The following NHS variants were observed in gnomAD, a reference collection of about 807,000 sequenced individuals.
NHS encodes the protein NHS actin remodeling regulator.
NHS carries 5 observed loss-of-function variants against 72.5 expected under a neutral mutation model. That is an observed-to-expected ratio of 0.07 (90% CI 0.04 to 0.14). The LOEUF is 0.14. NHS is among the 10% of genes least tolerant of loss of function. NHS has a pLI of 1.00. For missense variants in NHS, 1,072 were observed against 1,355.7 expected, an observed-to-expected ratio of 0.79 and a Z score of 3.29; for synonymous variants, 464 against 547.7, an observed-to-expected ratio of 0.85 and a Z score of 2.13.
intron 1 of NHS, among the ~76,000 whole-genome samples, chrX:17,545,526 C>T (rs1601760394): frequency 9.0e-6 from 1 of 111,621 alleles, no homozygotes; most frequent in East Asian, 2.9e-4. Context: ...ACATGGGCAC[C>T]CCTGACTGTA....
chrX:17,708,848 T>G (rs985171035), intron 3 of NHS, among the ~76,000 whole-genome samples: 1 of 111,338 alleles, frequency 9.0e-6, no homozygotes, highest in African/African-American at 3.3e-5. Context: ...AGGCCAGATA[T>G]TGAAGGATCT....
At chrX:17,574,709 C>A (rs1004630611) in intron 1 of NHS, among the ~76,000 whole-genome samples, 3 of 111,645 alleles carry the variant, frequency 2.7e-5, no homozygotes, top group African/African-American at 9.8e-5. Context: ...GCTGCACCCA[C>A]TGTCCAACCA....
chrX:17,614,216 GAACA>G (rs2065725620), intron 1 of NHS, among the ~76,000 whole-genome samples: 1 of 112,379 alleles, frequency 8.9e-6, no homozygotes, highest in Non-Finnish European at 1.9e-5. Flanking sequence ...GCTGTTGACA[GAACA>G]AATAATCACA....
At chrX:17,614,925 A>T (rs1888094066) in intron 1 of NHS, among the ~76,000 whole-genome samples, 1 of 106,694 alleles carries the variant, frequency 9.4e-6, no homozygotes, top group South Asian at 4.3e-4. Context: ...TGTGTTCCCT[A>T]ATCTCACTTA....
chrX:17,693,653 GA>G (rs1367348336), intron 3 of NHS, among the ~76,000 whole-genome samples: 1 of 112,392 alleles, frequency 8.9e-6, no homozygotes, highest in East Asian at 2.8e-4. Flanking sequence ...AGTGATAATG[GA>G]CAAAATATAA....
intron 1 of NHS, among the ~76,000 whole-genome samples, chrX:17,549,604 G>A (rs1201895439): frequency 8.9e-6 from 1 of 111,964 alleles, no homozygotes; most frequent in East Asian, 2.8e-4. Context: ...GCTGACCACA[G>A]AAAAGCTCGT....
intron 1 of NHS, among the ~76,000 whole-genome samples, chrX:17,385,521 T>C (rs112839496): frequency 2.7e-5 from 3 of 110,822 alleles, no homozygotes; most frequent in African/African-American, 9.8e-5. Context: ...CCAGAAAAAA[T>C]TTTTACTTAA....
rs181307396 is a variant in NHS, at chrX:17,463,743, G to A, written c.565+87421G>A. On this transcript the variant is annotated intron_variant, in intron 1 of 8. Transcript: ENST00000676302. ...AAATGTACTTAATATGTATACATGGGAGCCTTCAGGATGAAGACCTAAAGA... is the reference window on the plus strand; with the variant it reads ...AAATGTACTTAATATGTATACATGGAAGCCTTCAGGATGAAGACCTAAAGA... 8.9e-5 allele frequency among the ~76,000 whole-genome samples: 10 copies of A among 112,050 alleles called. No homozygotes were observed. In the East Asian group the frequency reaches 2.8e-3, roughly 31 times the overall value.
At chrX:17,528,654 A>C (rs763243061) in intron 1 of NHS, 1 of 111,754 alleles carries the variant, frequency 8.9e-6, no homozygotes, top group Non-Finnish European at 1.9e-5. Context: ...AGTGCTGGCT[A>C]ACTCACCCCT....
At chrX:17,538,390 G>T (rs770421411) in intron 1 of NHS, among the ~76,000 whole-genome samples, 1 of 111,589 alleles carries the variant, frequency 9.0e-6, no homozygotes, top group Non-Finnish European at 1.9e-5. Flanking sequence ...ACACAGGGAC[G>T]AGAAGGAAGC....
intron 1 of NHS, among the ~76,000 whole-genome samples, chrX:17,629,390 A>C (rs992236988): frequency 8.9e-6 from 1 of 112,084 alleles, no homozygotes; most frequent in Admixed American, 9.5e-5. Flanking sequence ...CTGCCCTGAT[A>C]TAGAAACCAA....
At chrX:17,626,082 T>C (rs970367363) in intron 1 of NHS, among the ~76,000 whole-genome samples, 2 of 112,583 alleles carry the variant, frequency 1.8e-5, no homozygotes, top group African/African-American at 6.4e-5. Flanking sequence ...AATTAAAAAT[T>C]CAGTGCCTTA....
intron 1 of NHS, among the ~76,000 whole-genome samples, chrX:17,379,657 C>T (rs2064366008): frequency 9.0e-6 from 1 of 111,553 alleles, no homozygotes. Context: ...CGCCTGTAAT[C>T]CCAGCTACTT....
chrX:17,526,269 G>C (rs1159741890), intron 1 of NHS, among the ~76,000 whole-genome samples: 1 of 112,593 alleles, frequency 8.9e-6, no homozygotes, highest in Admixed American at 9.3e-5. Context: ...GGCCAGGCCA[G>C]GTGGTTGTAG....
chrX:17,419,617 TAGAA>T (rs1431324181), intron 1 of NHS, among the ~76,000 whole-genome samples: 10 of 110,761 alleles, frequency 9.0e-5, no homozygotes, highest in South Asian at 3.8e-4. Flanking sequence ...ATATATATGA[TAGAA>T]AGAGAGAATA....
chrX:17,633,266 C>T (rs1003470573), intron 1 of NHS, among the ~76,000 whole-genome samples: 87 of 112,106 alleles, frequency 7.8e-4, no homozygotes, highest in African/African-American at 2.7e-3. Flanking sequence ...CATGTTCCAA[C>T]AAGTCCTGCT....
chrX:17,423,849 C>T (rs2064636077), intron 1 of NHS, among the ~76,000 whole-genome samples: 1 of 112,392 alleles, frequency 8.9e-6, no homozygotes, highest in African/African-American at 3.2e-5. Context: ...TTTCCTCATC[C>T]TCTTGTCAGC....
Position 17,476,020 on chromosome X carries a change from GA to G in NHS, c.565+99700del, listed in dbSNP as rs199981590. ...CAGAGCTCTGATTTATCCGCCAGAG[GA>G]ATGCCTCTAGGGAGGATGGGGGTGG... On this transcript the variant is annotated intron_variant, in intron 1 of 8. Transcript: ENST00000676302. 1.0e-3 allele frequency among the ~76,000 whole-genome samples: 113 copies of G among 111,851 alleles called. 1 individual carries two copies. In the East Asian group the frequency reaches 0.027, roughly 27 times the overall value.
At chrX:17,419,266 C>T (rs1019542409) in intron 1 of NHS, among the ~76,000 whole-genome samples, 5 of 112,337 alleles carry the variant, frequency 4.5e-5, no homozygotes, top group Admixed American at 9.4e-5. Context: ...ATTTTTAAAT[C>T]GGGTTCTGAG....
Sources: gnomAD v4.1 joint callset for allele counts (sites outside exome capture counted in the v4.1 genomes callset) on GRCh38, gnomAD v4.1.1 for gene constraint, MANE v1.5 for transcripts, NCBI Gene and HGNC (gene_info 2026-07-23, HGNC 2026-07-21) for gene names.